Variants in MYO1D observed in about 807,000 individuals in gnomAD.
MYO1D encodes unconventional myosin-Id.
A neutral mutation model predicts 122.0 loss-of-function variants in MYO1D; 83 were observed. That is an observed-to-expected ratio of 0.68 (90% CI 0.57 to 0.82). The LOEUF (loss-of-function observed/expected upper bound fraction) is 0.82, where lower values mean the gene tolerates loss of function less well. Ranked by LOEUF, MYO1D falls within the 40% of genes least tolerant of loss-of-function variation. MYO1D has a pLI of 0.00. For synonymous variants in MYO1D, 464 were observed against 446.9 expected (o/e 1.04, Z -0.48); for missense variants, 1,157 against 1,269.5 (o/e 0.91, Z 1.35).
At chr17:32,614,030 C>G (rs906051078) in intron 20 of MYO1D, among the ~76,000 whole-genome samples, 3 of 148,686 alleles carry the variant, frequency 2.0e-5, no homozygotes, top group Non-Finnish European at 3.0e-5. Context: ...GGTAAATACT[C>G]AAATGTATTT....
rs1019052072 is a variant in MYO1D, at chr17:32,727,854, A to G, written c.1747-6665T>C. Among the ~76,000 whole-genome samples the G allele has an allele frequency of 5.3e-5, 8 of 152,332 alleles. No individual in the cohort carries two copies. In the East Asian group the frequency reaches 1.2e-3, roughly 22 times the overall value. On this transcript the variant is annotated intron_variant, in intron 14 of 21. Coordinates refer to ENST00000318217, the MANE Select transcript of MYO1D (RefSeq NM_015194.3). ...AGAAAGATTGAAAGTAAAAGGATGA[A>G]AAAGATATACCATGCAAACTCTAGC...
intron 21 of MYO1D, among the ~76,000 whole-genome samples, chr17:32,495,289 G>A (rs2150848720): frequency 6.6e-6 from 1 of 152,332 alleles, no homozygotes; most frequent in Middle Eastern, 3.4e-3. Flanking sequence ...CGGGAGACCC[G>A]TGCCACATGC....
rs1327841965 is a variant in MYO1D, at chr17:32,767,512, T to C, written c.831+124A>G. 9 of 607,472 alleles carry C rather than the reference T, an allele frequency of 1.5e-5. No homozygotes were observed. In the East Asian group the frequency reaches 2.5e-4, roughly 17 times the overall value. The allele number at this position is 607,472 out of a possible 1,614,324, so 37.6% of individuals were successfully genotyped here. On this transcript the variant is annotated intron_variant, in intron 7 of 21. Transcript: ENST00000318217. ...CAAGAACCACAGACATAGTAATTTC[T>C]TCAAAATACGTACAAAATTTTCTCT...
intron 19 of MYO1D, among the ~76,000 whole-genome samples, chr17:32,647,664 C>T (rs1222604666): frequency 2.0e-5 from 3 of 146,900 alleles, no homozygotes; most frequent in African/African-American, 5.0e-5. Context: ...GTTATATTTA[C>T]AAACTGACAT....
intron 14 of MYO1D, among the ~76,000 whole-genome samples, chr17:32,725,919 T>C (rs1255199866): frequency 6.6e-6 from 1 of 152,132 alleles, no homozygotes; most frequent in Non-Finnish European, 1.5e-5. Flanking sequence ...AAAGAAACTA[T>C]GAAATCCAGA....
intron 1 of MYO1D, among the ~76,000 whole-genome samples, chr17:32,804,492 C>T (rs2090492053): frequency 6.6e-6 from 1 of 152,152 alleles, no homozygotes; most frequent in Non-Finnish European, 1.5e-5. Flanking sequence ...CCACCATCTC[C>T]ATAAGGCTTT....
At chr17:32,585,827 A>C (rs577171683) in intron 21 of MYO1D, among the ~76,000 whole-genome samples, 32 of 152,250 alleles carry the variant, frequency 2.1e-4, no homozygotes, top group African/African-American at 7.5e-4. Flanking sequence ...TTATACAATT[A>C]ATACATAACA....
chr17:32,859,783 T>C (rs187757538), intron 1 of MYO1D, among the ~76,000 whole-genome samples: 3 of 152,350 alleles, frequency 2.0e-5, no homozygotes, highest in Admixed American at 6.5e-5. Context: ...TCTGTCTACA[T>C]AGCTTGTAAA....
chr17:32,865,792 T>A (rs577327181), intron 1 of MYO1D, among the ~76,000 whole-genome samples: 1 of 152,344 alleles, frequency 6.6e-6, no homozygotes, highest in East Asian at 1.9e-4. Context: ...CAAACTGGGA[T>A]ATCTTCAGGA....
intron 1 of MYO1D, chr17:32,792,555 G>A (rs1185789463): frequency 1.3e-5 from 2 of 152,210 alleles, no homozygotes; most frequent in Non-Finnish European, 2.9e-5. Flanking sequence ...ATGTGATGGA[G>A]TCAATTAGTT....
At chr17:32,691,285 T>A (rs1381815755) in intron 16 of MYO1D, among the ~76,000 whole-genome samples, 1 of 151,754 alleles carries the variant, frequency 6.6e-6, no homozygotes, top group Non-Finnish European at 1.5e-5. Flanking sequence ...AGAACTTATT[T>A]CTTCTATCTT....
intron 21 of MYO1D, among the ~76,000 whole-genome samples, chr17:32,553,022 A>G (rs1379605201): frequency 6.8e-6 from 1 of 148,032 alleles, no homozygotes; most frequent in African/African-American, 2.5e-5. Context: ...GGACTGCTTG[A>G]GTCCAGGAGT....
intron 1 of MYO1D, among the ~76,000 whole-genome samples, chr17:32,827,554 T>C (rs569485463): frequency 5.3e-5 from 8 of 152,314 alleles, no homozygotes; most frequent in South Asian, 2.1e-4. Flanking sequence ...GTGGCTAAAA[T>C]GGTAATTTTA....
intron 16 of MYO1D, among the ~76,000 whole-genome samples, chr17:32,661,360 A>G (rs1189094561): frequency 6.6e-6 from 1 of 152,178 alleles, no homozygotes; most frequent in Non-Finnish European, 1.5e-5. Context: ...TGTCATATTT[A>G]TAGATAATAT....
At chr17:32,655,391 T>A (rs1250554564) in intron 17 of MYO1D, among the ~76,000 whole-genome samples, 2 of 152,076 alleles carry the variant, frequency 1.3e-5, no homozygotes, top group Non-Finnish European at 2.9e-5. Context: ...GTATGTAGGA[T>A]GGTGAAGGTA....
At chr17:32,711,463 T>C (rs756031000) in intron 16 of MYO1D, among the ~76,000 whole-genome samples, 1 of 152,094 alleles carries the variant, frequency 6.6e-6, no homozygotes, top group Admixed American at 6.6e-5. Context: ...CTGACCAACA[T>C]GGTGAAACCC....
rs566052142 is a variant in MYO1D, at chr17:32,608,987, C to T, written c.2710-3746G>A. 3.9e-5 allele frequency among the ~76,000 whole-genome samples: 6 copies of T among 152,272 alleles called. No homozygotes were observed. In the South Asian group the frequency reaches 1.0e-3, roughly 26 times the overall value. On this transcript the variant is annotated intron_variant, in intron 20 of 21. Coordinates refer to ENST00000318217, the MANE Select transcript of MYO1D (RefSeq NM_015194.3). ...ATAAGGATGGACAACAGATCAGTAG[C>T]TGCCAGGGTTTGGGGTTATGAGGAG...
In MYO1D at chr17:32,692,694, G is replaced by A. The variant is rs540507118; in HGVS notation, c.2121+19294C>T. Reference sequence around the variant, plus strand: ...CCAAAGTAAGAATAAAAGGACAGCCGGGCAACAGGGGCAGGGTGGTAGGAA... The same window carrying A: ...CCAAAGTAAGAATAAAAGGACAGCCAGGCAACAGGGGCAGGGTGGTAGGAA... On this transcript the variant is annotated intron_variant, in intron 16 of 21. Coordinates refer to ENST00000318217, the MANE Select transcript of MYO1D (RefSeq NM_015194.3). 2.8e-4 allele frequency among the ~76,000 whole-genome samples: 42 copies of A among 152,168 alleles called. No individual in the cohort carries two copies. The South Asian group carries it at 8.5e-3, about 31-fold the overall frequency.
intron 20 of MYO1D, among the ~76,000 whole-genome samples, chr17:32,626,047 G>A (rs1465596093): frequency 6.6e-6 from 1 of 152,200 alleles, no homozygotes; most frequent in Non-Finnish European, 1.5e-5. Flanking sequence ...AGGTATTACT[G>A]TGCTGTGCAC....
Sources: allele counts gnomAD v4.1 joint callset (sites outside exome capture counted in the v4.1 genomes callset), GRCh38; gene constraint gnomAD v4.1.1; transcripts MANE v1.5; gene names NCBI Gene and HGNC (gene_info 2026-07-23, HGNC 2026-07-21).